HIVEP1: variants seen among roughly 807,000 people sequenced by gnomAD.
HIVEP1 encodes zinc finger protein 40.
HIVEP1 carries 36 observed loss-of-function variants against 180.0 expected under a neutral mutation model. That is an observed-to-expected ratio of 0.20 (90% CI 0.15 to 0.26). The LOEUF is 0.26. Among genes scored for constraint, HIVEP1 ranks in the 10% least tolerant of loss-of-function variants. The pLI is 1.00. For synonymous variants in HIVEP1, 1,239 were observed against 1,239.0 expected (o/e 1.00, Z 0.00); for missense variants, 3,143 against 3,268.7 (o/e 0.96, Z 0.94).
At chr6:12,020,454 C>T (rs1172872983) in intron 2 of HIVEP1, 1 of 470,944 alleles carries the variant, frequency 2.1e-6, no homozygotes, top group Admixed American at 2.4e-5. Flanking sequence ...TGTCTCCCAG[C>T]CATCATTCCT....
At chr6:12,155,869 A>G (rs1351579242) in intron 7 of HIVEP1, among the ~76,000 whole-genome samples, 3 of 152,202 alleles carry the variant, frequency 2.0e-5, no homozygotes, top group Non-Finnish European at 2.9e-5. Flanking sequence ...CACTCCCACT[A>G]GCAGTGTCAA....
chr6:12,071,055 G>T (rs2113784351), intron 2 of HIVEP1, among the ~76,000 whole-genome samples: 1 of 152,300 alleles, frequency 6.6e-6, no homozygotes, highest in East Asian at 1.9e-4. Context: ...AGTCTATAGT[G>T]TTCTGTTCCA....
At position 12,123,791 on chromosome 6, in the gene HIVEP1, T is replaced by C; in HGVS notation, c.3996T>C (p.Ala1332=). 1 of 1,614,206 alleles carries C rather than the reference T, an allele frequency of 6.2e-7. No individual in the cohort carries two copies. Among genetic ancestry groups the C allele is most frequent in the African/African-American group, 1.3e-5 (1 of 75,054 alleles). ...LDIEDVSKTE[A]SPKIDFLNKA... ...TAGAGGACGTTTCTAAAACGGAGGCTTCCCCCAAAATCGATTTTCTAAATA... is the reference window on the plus strand; with the variant it reads ...TAGAGGACGTTTCTAAAACGGAGGCCTCCCCCAAAATCGATTTTCTAAATA... The change falls in exon 4 of 9, where the codon GCT becomes GCC. Residue 1332 remains alanine (A), a synonymous_variant. Transcript: ENST00000379388.
the HIVEP1 span, among the ~76,000 whole-genome samples, chr6:12,186,900 C>G: frequency 6.8e-6 from 1 of 147,842 alleles, no homozygotes; most frequent in East Asian, 2.0e-4. Flanking sequence ...TTTTTTTTAG[C>G]GAAAAGATGA....
At chr6:12,037,829 G>A in intron 2 of HIVEP1, 1 of 421,522 alleles carries the variant, frequency 2.4e-6, no homozygotes, top group East Asian at 3.5e-5. Flanking sequence ...TCCTGCTTTA[G>A]CGTCCCGAAT....
Position 12,125,712 on chromosome 6 carries a change from A to G in HIVEP1, c.5917A>G (p.Ser1973Gly). The G allele has an allele frequency of 1.2e-6, 2 of 1,614,248 alleles. No homozygotes were observed. Among genetic ancestry groups the G allele is most frequent in the Non-Finnish European group, 1.7e-6 (2 of 1,180,048 alleles). Residue 1973 changes from serine to glycine, a missense_variant, in exon 4 of 9, where the codon AGT becomes GGT. By Grantham distance (56) the Ser-to-Gly change is moderately conservative (BLOSUM62 0). Around this residue, in one of 12 missense-constraint regions of HIVEP1, gnomAD observed 1,357 missense variants for 1,260.5 expected, o/e 1.08. Transcript: ENST00000379388. ...CTATACTGATTGGACAGTAAGCGCCAGTAATCCAAATCCACTCGGTTTGCC... is the reference window on the plus strand; with the variant it reads ...CTATACTGATTGGACAGTAAGCGCCGGTAATCCAAATCCACTCGGTTTGCC... The part of the protein sequence containing the change: ...SAYTDWTVSA[S>G]NPNPLGLPTK...
At chr6:12,008,832 T>A (rs1014283979), upstream of HIVEP1, 2 of 152,254 alleles carry the variant, frequency 1.3e-5, no homozygotes, top group Non-Finnish European at 2.9e-5. Context: ...AATTAAAAGT[T>A]AAACCCAGGA....
At position 12,094,148 on chromosome 6, in the gene HIVEP1, G is replaced by A. The variant is rs1773652993; in HGVS notation, c.94+4911G>A. ...TAATGATTTTTTCTTTTGTAAAATT[G>A]TTTTCTAGTTCCTGGCAAATAAAAA... On this transcript the variant is annotated intron_variant, in intron 3 of 8. Transcript: ENST00000379388. Among the ~76,000 whole-genome samples the A allele has an allele frequency of 1.3e-5, 2 of 151,522 alleles. 1 individual carries two copies. The highest frequency in any genetic ancestry group is 4.2e-4 in the South Asian group (2 of 4,818).
intron 2 of HIVEP1, among the ~76,000 whole-genome samples, chr6:12,088,111 A>G (rs181761991): frequency 3.3e-5 from 5 of 152,262 alleles, no homozygotes; most frequent in Admixed American, 6.5e-5. Context: ...GGAGAGAGGC[A>G]GGTAGATCAG....
chr6:12,150,632 A>G (rs1478009694), intron 7 of HIVEP1, among the ~76,000 whole-genome samples: 1 of 152,206 alleles, frequency 6.6e-6, no homozygotes. Context: ...CCATGTGTAG[A>G]ATATGAAACC....
intron 2 of HIVEP1, among the ~76,000 whole-genome samples, chr6:12,027,629 A>G (rs1405040266): frequency 6.6e-6 from 1 of 152,196 alleles, no homozygotes; most frequent in Non-Finnish European, 1.5e-5. Flanking sequence ...CGTCTTGTGA[A>G]GGACTGTTAT....
At chr6:12,174,149 A>C in the HIVEP1 span, among the ~76,000 whole-genome samples, 1 of 152,200 alleles carries the variant, frequency 6.6e-6, no homozygotes, top group African/African-American at 2.4e-5. Flanking sequence ...TGCAATCATA[A>C]TAATTATTGA....
At chr6:12,173,629 G>C in the HIVEP1 span, among the ~76,000 whole-genome samples, 2 of 152,156 alleles carry the variant, frequency 1.3e-5, no homozygotes, top group African/African-American at 4.8e-5. Flanking sequence ...TGAATAATTA[G>C]ATAACTTTTA....
At chr6:12,040,642 G>T (rs1769617996) in intron 2 of HIVEP1, among the ~76,000 whole-genome samples, 1 of 152,180 alleles carries the variant, frequency 6.6e-6, no homozygotes. Context: ...AATTTTTGAA[G>T]ATAAAACTCA....
At chr6:12,136,459 G>A (rs573710187) in intron 7 of HIVEP1, among the ~76,000 whole-genome samples, 1 of 152,282 alleles carries the variant, frequency 6.6e-6, no homozygotes, top group South Asian at 2.1e-4. Context: ...CCTCTTGCAG[G>A]AAACAATTCT....
At chr6:12,206,468 AAGAG>A in the HIVEP1 span, among the ~76,000 whole-genome samples, 4 of 152,042 alleles carry the variant, frequency 2.6e-5, no homozygotes, top group Non-Finnish European at 5.9e-5. Context: ...CACACAGAGA[AAGAG>A]AGAGACAGAG....
chr6:12,201,041 C>T, the HIVEP1 span, among the ~76,000 whole-genome samples: 4 of 152,216 alleles, frequency 2.6e-5, no homozygotes, highest in African/African-American at 9.6e-5. Flanking sequence ...TGGTAGTTTA[C>T]AAGCCTAGAG....
At chr6:12,193,238 G>A in the HIVEP1 span, among the ~76,000 whole-genome samples, 4 of 152,222 alleles carry the variant, frequency 2.6e-5, no homozygotes, top group African/African-American at 7.2e-5. Context: ...TGAACATAGT[G>A]TAATTTACTT....
intron 2 of HIVEP1, among the ~76,000 whole-genome samples, chr6:12,041,419 C>CA (rs1488676112): frequency 1.5e-4 from 6 of 39,248 alleles, no homozygotes; most frequent in South Asian, 1.2e-3. Context: ...GAGACTCCGT[C>CA]TAAAAAAAAA....
Sources: allele counts gnomAD v4.1 joint callset (sites outside exome capture counted in the v4.1 genomes callset), GRCh38; gene constraint gnomAD v4.1.1; regional missense constraint gnomAD v4.1.1; transcripts MANE v1.5; gene names NCBI Gene and HGNC (gene_info 2026-07-23, HGNC 2026-07-21).